ITPRID1: variants seen among roughly 807,000 people sequenced by gnomAD.
ITPRID1 encodes protein ITPRID1.
A neutral mutation model predicts 95.4 loss-of-function variants in ITPRID1; 96 were observed. That is an observed-to-expected ratio of 1.01 (90% CI 0.85 to 1.19). The LOEUF is 1.19. ITPRID1 is among the 50% of genes most tolerant of loss of function. The pLI is 0.00. For missense variants in ITPRID1, 1,339 were observed against 1,252.9 expected, an observed-to-expected ratio of 1.07 and a Z score of -1.04; for synonymous variants, 510 against 453.6, an observed-to-expected ratio of 1.12 and a Z score of -1.58.
intron 10 of ITPRID1, among the ~76,000 whole-genome samples, chr7:31,592,937 A>G (rs1430060839): frequency 1.3e-5 from 2 of 152,250 alleles, no homozygotes; most frequent in East Asian, 3.8e-4. Context: ...CTAAAATCTA[A>G]TAATGCTTAC....
rs760110193 is a variant in ITPRID1 at position 31,652,571 on chromosome 7, A to G, written c.2877A>G (p.Gln959=). The change falls in exon 15 of 15, where the codon CAA becomes CAG. Residue 959 remains glutamine, a synonymous_variant. Coordinates refer to ENST00000615280, the MANE Select transcript of ITPRID1 (RefSeq NM_001257967.3). ...CTGAACACTATTCAAATCTGCATCA[A>G]TATAACTGGATAGAAGAAAGCAATG... The part of the protein sequence containing the change: ...EPPEHYSNLH[Q]YNWIEESNGQ... 3.7e-6 allele frequency: 6 copies of G among 1,611,124 alleles called. No individual in the cohort carries two copies. The highest frequency in any genetic ancestry group is 5.1e-6 in the Non-Finnish European group (6 of 1,178,588).
chr7:31,530,712 A>G (rs2191340), intron 1 of ITPRID1, among the ~76,000 whole-genome samples: 88,566 of 151,828 alleles, frequency 0.58, 26,886 homozygotes, highest in Middle Eastern at 0.71. Flanking sequence ...TTGTCTTATT[A>G]TACAGTATTG....
intron 10 of ITPRID1, among the ~76,000 whole-genome samples, chr7:31,604,540 G>A (rs567823650): frequency 1.6e-4 from 25 of 152,266 alleles, no homozygotes; most frequent in African/African-American, 6.0e-4. Context: ...TAAAATCAAG[G>A]TATGGTTGAA....
At chr7:31,570,298 T>C (rs965101143) in intron 6 of ITPRID1, among the ~76,000 whole-genome samples, 1 of 152,174 alleles carries the variant, frequency 6.6e-6, no homozygotes, top group African/African-American at 2.4e-5. Context: ...GGGACCTTCA[T>C]AGAAATGCAA....
At chr7:31,561,804 G>A (rs1784631388) in intron 5 of ITPRID1, among the ~76,000 whole-genome samples, 1 of 152,104 alleles carries the variant, frequency 6.6e-6, no homozygotes, top group Admixed American at 6.5e-5. Context: ...TACCACCTCT[G>A]TGGGCAGATT....
At chr7:31,603,168 G>A (rs963019564) in intron 10 of ITPRID1, among the ~76,000 whole-genome samples, 25 of 152,094 alleles carry the variant, frequency 1.6e-4, no homozygotes, top group African/African-American at 5.6e-4. Flanking sequence ...TTGGCCAGGA[G>A]GCAATCAATC....
rs774808136 is a variant in ITPRID1, at chr7:31,574,775, G to C, written c.598+33G>C. 7 of 1,603,338 alleles carry C rather than the reference G, an allele frequency of 4.4e-6. No individual in the cohort carries two copies. The East Asian group carries it at 6.7e-5, about 15-fold the overall frequency. On this transcript the variant is annotated intron_variant, in intron 8 of 14. Coordinates refer to ENST00000615280, the MANE Select transcript of ITPRID1 (RefSeq NM_001257967.3). ...AGGTGCCTGTGGCATTCGCATCTCA[G>C]CATTGGGAATGAGTGGGCAGGTGGG...
At chr7:31,590,094 G>A (rs1583541023) in intron 10 of ITPRID1, among the ~76,000 whole-genome samples, 1 of 152,004 alleles carries the variant, frequency 6.6e-6, no homozygotes, top group South Asian at 2.1e-4. Flanking sequence ...TTGAGGTGGG[G>A]ATCTCACTCT....
At chr7:31,576,335 C>T (rs1436057814) in intron 8 of ITPRID1, among the ~76,000 whole-genome samples, 1 of 152,026 alleles carries the variant, frequency 6.6e-6, no homozygotes, top group African/African-American at 2.4e-5. Flanking sequence ...TTCAATCTAC[C>T]CAAAGGCAAA....
At chr7:31,597,024 GA>G (rs1786117194) in intron 10 of ITPRID1, among the ~76,000 whole-genome samples, 1 of 151,436 alleles carries the variant, frequency 6.6e-6, no homozygotes, top group African/African-American at 2.4e-5. Flanking sequence ...GTTCTGAAAA[GA>G]AAACATAATA....
At chr7:31,634,001 A>T (rs1208252935) in intron 10 of ITPRID1, among the ~76,000 whole-genome samples, 2 of 152,192 alleles carry the variant, frequency 1.3e-5, no homozygotes, top group Non-Finnish European at 1.5e-5. Flanking sequence ...AGACCAGCCC[A>T]GCCCAGAAAA....
intron 1 of ITPRID1, among the ~76,000 whole-genome samples, chr7:31,516,278 G>GTGTA (rs1285332816): frequency 1.3e-5 from 2 of 152,184 alleles, no homozygotes; most frequent in Non-Finnish European, 2.9e-5. Flanking sequence ...GTGTGTGCAT[G>GTGTA]TGTATGTATG....
intron 10 of ITPRID1, among the ~76,000 whole-genome samples, chr7:31,635,904 A>T (rs1789440676): frequency 1.3e-5 from 2 of 152,146 alleles, no homozygotes. Context: ...ATAAACCTGC[A>T]CATCCTGCAC....
chr7:31,544,130 G>A (rs953235959), intron 1 of ITPRID1, among the ~76,000 whole-genome samples: 3 of 152,064 alleles, frequency 2.0e-5, no homozygotes, highest in Non-Finnish European at 4.4e-5. Flanking sequence ...GAAAAGGAAT[G>A]GTAAGAGGGA....
At chr7:31,586,638 C>G (rs1785622796) in intron 10 of ITPRID1, among the ~76,000 whole-genome samples, 1 of 152,078 alleles carries the variant, frequency 6.6e-6, no homozygotes, top group South Asian at 2.1e-4. Context: ...TAAATGTCTT[C>G]TTTTGAGAAG....
chr7:31,621,608 A>G (rs1231380986), intron 10 of ITPRID1, among the ~76,000 whole-genome samples: 10 of 149,008 alleles, frequency 6.7e-5, no homozygotes, highest in East Asian at 3.9e-4. Flanking sequence ...TGAAGGAAGC[A>G]CTAAACATGG....
At chr7:31,609,834 A>G (rs1202535018) in intron 10 of ITPRID1, among the ~76,000 whole-genome samples, 1 of 150,668 alleles carries the variant, frequency 6.6e-6, no homozygotes, top group Non-Finnish European at 1.5e-5. Context: ...CTTGCTTTGC[A>G]TTTAGTTTGC....
At chr7:31,521,904 ATTT>A (rs55777151) in intron 1 of ITPRID1, among the ~76,000 whole-genome samples, 2,031 of 118,990 alleles carry the variant, frequency 0.017, 37 homozygotes, top group African/African-American at 0.051. Flanking sequence ...GGCTAATTTA[ATTT>A]TTTTTTTTTT....
chr7:31,533,974 G>A (rs116340061), intron 1 of ITPRID1, among the ~76,000 whole-genome samples: 5,462 of 152,240 alleles, frequency 0.036, 338 homozygotes, highest in African/African-American at 0.13. Context: ...AGGTGAGCAA[G>A]CATTATTGCC....
Sources: gnomAD v4.1 joint callset for allele counts (sites outside exome capture counted in the v4.1 genomes callset) on GRCh38, gnomAD v4.1.1 for gene constraint, MANE v1.5 for transcripts, NCBI Gene and HGNC (gene_info 2026-07-23, HGNC 2026-07-21) for gene names.